FAF1: variants seen among roughly 807,000 people sequenced by gnomAD.
FAF1 encodes the protein Fas associated factor 1.
FAF1 carries 25 observed loss-of-function variants against 92.5 expected under a neutral mutation model. The observed-to-expected ratio is 0.27, with a 90% CI of 0.20 to 0.38. The LOEUF (loss-of-function observed/expected upper bound fraction) is 0.38, where lower values mean the gene tolerates loss of function less well. Ranked by LOEUF, FAF1 falls within the 10% of genes least tolerant of loss-of-function variation. FAF1 has a pLI of 1.00. For missense variants in FAF1, 636 were observed against 793.3 expected, an observed-to-expected ratio of 0.80 and a Z score of 2.38; for synonymous variants, 234 against 273.2, an observed-to-expected ratio of 0.86 and a Z score of 1.42.
chr1:50,858,488 G>A (rs1449764310), intron 1 of FAF1, among the ~76,000 whole-genome samples: 1 of 151,824 alleles, frequency 6.6e-6, no homozygotes, highest in African/African-American at 2.4e-5. Context: ...CATGTGGCTA[G>A]TGAGTCCTTG....
At chr1:50,892,996 A>T (rs55855890) in intron 1 of FAF1, among the ~76,000 whole-genome samples, 2,039 of 152,236 alleles carry the variant, frequency 0.013, 19 homozygotes, top group Middle Eastern at 0.02. Context: ...TGCATTCTTG[A>T]GTAGTTCAAT....
intron 2 of FAF1, among the ~76,000 whole-genome samples, chr1:50,814,822 T>A (rs1643951905): frequency 6.6e-6 from 1 of 152,088 alleles, no homozygotes; most frequent in Non-Finnish European, 1.5e-5. Context: ...AGATACCACC[T>A]CACACCCATT....
chr1:50,558,829 A>G (rs563222314), intron 13 of FAF1, among the ~76,000 whole-genome samples: 1 of 152,344 alleles, frequency 6.6e-6, no homozygotes, highest in South Asian at 2.1e-4. Flanking sequence ...TGATTCAAAT[A>G]CGATGCATGT....
chr1:50,830,109 T>C (rs1179963271), intron 2 of FAF1, among the ~76,000 whole-genome samples: 1 of 152,196 alleles, frequency 6.6e-6, no homozygotes, highest in East Asian at 1.9e-4. Context: ...TTTTTGTTTT[T>C]GTTTTTTGGG....
chr1:50,488,614 A>T (rs557464746), intron 17 of FAF1, among the ~76,000 whole-genome samples: 1 of 152,210 alleles, frequency 6.6e-6, no homozygotes, highest in Non-Finnish European at 1.5e-5. Flanking sequence ...GAAACTTGGC[A>T]TATATGACTC....
chr1:50,766,753 C>T (rs1569912138), intron 4 of FAF1, among the ~76,000 whole-genome samples: 1 of 114,172 alleles, frequency 8.8e-6, no homozygotes, highest in Non-Finnish European at 1.7e-5. Context: ...CCCCCAAGGG[C>T]ATCAAAGAAG....
intron 18 of FAF1, chr1:50,470,823 G>C (rs1646562606): frequency 6.6e-6 from 1 of 152,228 alleles, no homozygotes; most frequent in Non-Finnish European, 1.5e-5. Context: ...AACTACCACT[G>C]AACCATTTAC....
chr1:50,686,625 G>A (rs554108046), intron 7 of FAF1, among the ~76,000 whole-genome samples: 131 of 149,886 alleles, frequency 8.7e-4, no homozygotes, highest in African/African-American at 3.0e-3. Flanking sequence ...GGAGGGGAGC[G>A]GGGGAGAGCG....
chr1:50,461,265 A>G (rs1646426043), intron 18 of FAF1, among the ~76,000 whole-genome samples: 1 of 152,152 alleles, frequency 6.6e-6, no homozygotes, highest in South Asian at 2.1e-4. Context: ...CTTTTTATTC[A>G]GCCAAATCTG....
intron 4 of FAF1, among the ~76,000 whole-genome samples, chr1:50,757,085 T>A (rs1219364621): frequency 6.6e-6 from 1 of 152,256 alleles, no homozygotes; most frequent in Non-Finnish European, 1.5e-5. Context: ...TTCTTGTGAT[T>A]TCTAACTTAA....
chr1:50,632,325 G>A (rs1025790971), intron 8 of FAF1, among the ~76,000 whole-genome samples: 2 of 152,104 alleles, frequency 1.3e-5, no homozygotes, highest in Non-Finnish European at 2.9e-5. Context: ...GGTTAGAAAC[G>A]AGTAACACAA....
At chr1:50,736,709 C>T (rs1659154026) in intron 6 of FAF1, among the ~76,000 whole-genome samples, 1 of 151,858 alleles carries the variant, frequency 6.6e-6, no homozygotes, top group Non-Finnish European at 1.5e-5. Flanking sequence ...TGAGATCATG[C>T]CATTGTACTC....
At chr1:50,716,202 T>C (rs766674812) in intron 6 of FAF1, among the ~76,000 whole-genome samples, 32 of 152,230 alleles carry the variant, frequency 2.1e-4, no homozygotes, top group South Asian at 4.1e-4. Context: ...TTTCACAGGG[T>C]ACAATAGTAG....
intron 8 of FAF1, among the ~76,000 whole-genome samples, chr1:50,643,244 T>C (rs1654431425): frequency 6.6e-6 from 1 of 152,208 alleles, no homozygotes; most frequent in African/African-American, 2.4e-5. Flanking sequence ...GTTTACAACA[T>C]GCATTATTAA....
chr1:50,797,670 G>A (rs1661814091), intron 3 of FAF1, among the ~76,000 whole-genome samples: 1 of 152,100 alleles, frequency 6.6e-6, no homozygotes, highest in African/African-American at 2.4e-5. Context: ...GGGCTACAGA[G>A]CAAGAGCCTG....
intron 4 of FAF1, among the ~76,000 whole-genome samples, chr1:50,762,119 A>G (rs925458908): frequency 0.013 from 2,008 of 152,280 alleles, 42 homozygotes; most frequent in African/African-American, 0.044. Flanking sequence ...ACACCTAGGA[A>G]TCCAACTTAC....
chr1:50,909,030 G>A (rs761367917), intron 1 of FAF1, among the ~76,000 whole-genome samples: 2 of 152,142 alleles, frequency 1.3e-5, no homozygotes, highest in African/African-American at 2.4e-5. Flanking sequence ...TCCTTTCCAC[G>A]TTTAGTGCTT....
At chr1:50,845,988 G>T (rs956020949) in intron 2 of FAF1, among the ~76,000 whole-genome samples, 1 of 151,992 alleles carries the variant, frequency 6.6e-6, no homozygotes, top group African/African-American at 2.4e-5. Context: ...GCTGGGCGTG[G>T]TGGGGCACGC....
intron 4 of FAF1, among the ~76,000 whole-genome samples, chr1:50,771,345 C>A (rs1193677148): frequency 2.0e-5 from 3 of 151,962 alleles, no homozygotes; most frequent in Non-Finnish European, 4.4e-5. Flanking sequence ...ATATTTGCAA[C>A]CTACAGAATG....
Sources: allele counts gnomAD v4.1 joint callset (sites outside exome capture counted in the v4.1 genomes callset), GRCh38; gene constraint gnomAD v4.1.1; transcripts MANE v1.5; gene names NCBI Gene and HGNC (gene_info 2026-07-23, HGNC 2026-07-21).